Variants in HIPK3 observed in about 807,000 individuals in gnomAD.
The protein encoded by HIPK3 is homeodomain-interacting protein kinase 3.
Under a neutral mutation model 124.2 loss-of-function variants are expected in HIPK3, and 47 were observed. The observed-to-expected ratio is 0.38, with a 90% CI of 0.30 to 0.48. The LOEUF is 0.48. HIPK3 is among the 20% of genes least tolerant of loss of function. HIPK3 has a pLI of 0.98. For missense variants in HIPK3, 1,286 were observed against 1,454.3 expected (o/e 0.88, Z 1.88); for synonymous variants, 482 against 515.2 (o/e 0.94, Z 0.87).
chr11:33,331,174 C>T (rs1261752455), intron 3 of HIPK3, among the ~76,000 whole-genome samples: 3 of 152,168 alleles, frequency 2.0e-5, no homozygotes, highest in African/African-American at 4.8e-5. Flanking sequence ...AGAGCCACTG[C>T]GCCTGGCCAC....
chr11:33,349,281 C>T lies in HIPK3; in HGVS notation c.2801C>T (p.Pro934Leu), dbSNP rs527424646. The change falls in exon 14 of 17, where the codon CCG becomes CTG. Residue 934 changes from proline to leucine, a missense_variant. Pro to Leu is a moderately conservative substitution (Grantham distance 98). Transcript: ENST00000303296. ...TCCAGCCCATCCCCCTGCAAGAGACCGAATAGGTAAAAGAATCTCAATAGT... is the reference window on the plus strand; with the variant it reads ...TCCAGCCCATCCCCCTGCAAGAGACTGAATAGGTAAAAGAATCTCAATAGT... ...GQSSPSPCKR[P>L]NSMSDEEQES... 9 of 1,610,108 alleles carry T rather than the reference C, an allele frequency of 5.6e-6. No homozygotes were observed. Among genetic ancestry groups the T allele is most frequent in the South Asian group, 5.5e-5 (5 of 90,774 alleles).
intron 16 of HIPK3, among the ~76,000 whole-genome samples, chr11:33,352,809 G>C (rs1489081913): frequency 6.6e-6 from 1 of 152,090 alleles, no homozygotes; most frequent in Non-Finnish European, 1.5e-5. Flanking sequence ...CTCCACAAAT[G>C]GTAGCTGTTA....
At chr11:33,340,700 C>T (rs770197691) in intron 6 of HIPK3, among the ~76,000 whole-genome samples, 1 of 151,536 alleles carries the variant, frequency 6.6e-6, no homozygotes, top group African/African-American at 2.4e-5. Flanking sequence ...TGTAGGGGAT[C>T]GTAAAATTAT....
chr11:33,339,041 C>G (rs1048877797), intron 5 of HIPK3, among the ~76,000 whole-genome samples, 198 bp downstream of exon 5: 15 of 152,132 alleles, frequency 9.9e-5, no homozygotes, highest in Admixed American at 9.8e-4. Flanking sequence ...TTTAATTTAC[C>G]TATTCGTTCT....
chr11:33,343,078 G>A (rs1853383208), intron 8 of HIPK3, among the ~76,000 whole-genome samples: 1 of 152,098 alleles, frequency 6.6e-6, no homozygotes, highest in African/African-American at 2.4e-5. Context: ...AAAACAGTTG[G>A]TGCTGAGTCA....
chr11:33,268,839 C>G (rs1424322884), intron 1 of HIPK3, among the ~76,000 whole-genome samples: 2 of 152,024 alleles, frequency 1.3e-5, no homozygotes, highest in African/African-American at 2.4e-5. Flanking sequence ...GAAGGTCTAT[C>G]TAGCTTGAAA....
chr11:33,280,039 G>A (rs576584749), intron 1 of HIPK3, among the ~76,000 whole-genome samples: 63 of 152,118 alleles, frequency 4.1e-4, no homozygotes, highest in African/African-American at 1.3e-3. Context: ...GAGGTGGGGG[G>A]GACACAAACA....
intron 1 of HIPK3, among the ~76,000 whole-genome samples, chr11:33,273,190 TAA>T (rs1209678296): frequency 1.3e-5 from 2 of 152,000 alleles, no homozygotes; most frequent in South Asian, 2.1e-4. Flanking sequence ...CTTTGAAAAT[TAA>T]AAAGAGTATT....
At chr11:33,266,165 C>A (rs1850958524) in intron 1 of HIPK3, among the ~76,000 whole-genome samples, 1 of 151,138 alleles carries the variant, frequency 6.6e-6, no homozygotes, top group Admixed American at 6.6e-5. Context: ...ACACGTGGTC[C>A]CAGCTTTGAG....
chr11:33,348,089 C>T, intron 11 of HIPK3, 76 bp downstream of exon 11: 2 of 1,604,114 alleles, frequency 1.2e-6, no homozygotes, highest in South Asian at 2.2e-5. Context: ...TCTAAAGGGT[C>T]ACTCTGTTGT....
chr11:33,258,412 C>G (rs1430427520), intron 1 of HIPK3: 2 of 985,648 alleles, frequency 2.0e-6, no homozygotes, highest in South Asian at 4.7e-5. Context: ...TTTGTGGCCC[C>G]GTCCCCAGCG....
At chr11:33,316,991 A>AT (rs1212383214) in intron 2 of HIPK3, among the ~76,000 whole-genome samples, 1 of 151,942 alleles carries the variant, frequency 6.6e-6, no homozygotes, top group Non-Finnish European at 1.5e-5. Context: ...TGTTTAATTA[A>AT]TTTTTTTTGA....
chr11:33,266,000 C>T (rs958904624), intron 1 of HIPK3, among the ~76,000 whole-genome samples: 1 of 141,540 alleles, frequency 7.1e-6, no homozygotes, highest in Non-Finnish European at 1.5e-5. Flanking sequence ...AGGAGAATGG[C>T]GTGAACCCGG....
At chr11:33,341,426 A>G (rs1347095776) in intron 7 of HIPK3, 137 bp from the exon 8 acceptor site, 9 of 957,678 alleles carry the variant, frequency 9.4e-6, no homozygotes, top group Non-Finnish European at 1.5e-6. Flanking sequence ...TAATTTCGGC[A>G]GCTTGTTTTT....
chr11:33,310,985 T>C (rs1272225655), intron 2 of HIPK3, among the ~76,000 whole-genome samples: 1 of 152,196 alleles, frequency 6.6e-6, no homozygotes, highest in African/African-American at 2.4e-5. Flanking sequence ...ATTCCAGGTT[T>C]TGTTTTGCCG....
At chr11:33,342,502 C>T (rs920414706) in intron 8 of HIPK3, among the ~76,000 whole-genome samples, 6 of 150,724 alleles carry the variant, frequency 4.0e-5, no homozygotes, top group Admixed American at 6.6e-5. Context: ...AATCCTCAAG[C>T]GGAATGGGTG....
chr11:33,269,531 T>C (rs566296811), intron 1 of HIPK3, among the ~76,000 whole-genome samples: 1 of 152,134 alleles, frequency 6.6e-6, no homozygotes, highest in South Asian at 2.1e-4. Flanking sequence ...ACATTGACTC[T>C]TTTTCCTTCA....
At chr11:33,277,969 T>A (rs1851314241) in intron 1 of HIPK3, among the ~76,000 whole-genome samples, 1 of 152,238 alleles carries the variant, frequency 6.6e-6, no homozygotes, top group Admixed American at 6.5e-5. Flanking sequence ...AGATCTCTTC[T>A]CAGTTACGTG....
At chr11:33,310,254 G>A (rs1372594938) in intron 2 of HIPK3, among the ~76,000 whole-genome samples, 3 of 125,176 alleles carry the variant, frequency 2.4e-5, no homozygotes, top group Admixed American at 1.6e-4. Flanking sequence ...CTGTCTGTCT[G>A]TCTGTCTGTC....
Sources: gnomAD v4.1 joint callset for allele counts (sites outside exome capture counted in the v4.1 genomes callset) on GRCh38, gnomAD v4.1.1 for gene constraint, MANE v1.5 for transcripts, NCBI Gene and HGNC (gene_info 2026-07-23, HGNC 2026-07-21) for gene names.